The following NALF1 variants were observed in gnomAD, a reference collection of about 807,000 sequenced individuals.
NALF1 encodes NALCN channel auxiliary factor 1, also known as family with sequence similarity 155 member A.
NALF1 carries 3 observed loss-of-function variants against 48.4 expected under a neutral mutation model. The ratio of observed to expected loss-of-function variants is 0.06; its 90% CI spans 0.03 to 0.16. NALF1 has a LOEUF of 0.16. Ranked by LOEUF, NALF1 falls within the 10% of genes least tolerant of loss-of-function variation. NALF1 has a pLI of 1.00. For synonymous variants in NALF1, 262 were observed against 245.7 expected, an observed-to-expected ratio of 1.07 and a Z score of -0.62; for missense variants, 526 against 571.5, an observed-to-expected ratio of 0.92 and a Z score of 0.81.
intron 1 of NALF1, among the ~76,000 whole-genome samples, chr13:107,275,301 CAATT>C (rs1254058670): frequency 2.6e-5 from 4 of 151,788 alleles, no homozygotes; most frequent in African/African-American, 4.8e-5. Context: ...ATGTGTGTAT[CAATT>C]AAGAGGGTTT....
chr13:107,863,624 A>C (rs1260469879), intron 1 of NALF1, among the ~76,000 whole-genome samples: 1 of 152,202 alleles, frequency 6.6e-6, no homozygotes, highest in Non-Finnish European at 1.5e-5. Context: ...AAAGAAATTA[A>C]GGTTTTCATA....
chr13:107,238,964 T>C (rs1050608444), intron 1 of NALF1, among the ~76,000 whole-genome samples: 1 of 151,902 alleles, frequency 6.6e-6, no homozygotes, highest in Non-Finnish European at 1.5e-5. Context: ...TGGTGCAAGA[T>C]TATAGAAAGA....
intron 1 of NALF1, among the ~76,000 whole-genome samples, chr13:107,419,614 T>C (rs1036654646): frequency 6.6e-6 from 1 of 152,204 alleles, no homozygotes; most frequent in Non-Finnish European, 1.5e-5. Flanking sequence ...CCCTCCCCTC[T>C]GTAAAAACTA....
chr13:107,165,563 T>G lies in NALF1; in HGVS notation c.*4934A>C, dbSNP rs1253496794. 1 of 152,258 alleles carries G rather than the reference T, an allele frequency of 6.6e-6. No homozygotes were observed. Among genetic ancestry groups the G allele is most frequent in the Non-Finnish European group, 1.5e-5 (1 of 68,046 alleles). 9.4% of individuals were successfully genotyped at this position (152,258 alleles called of 1,614,324 possible). On this transcript the variant is annotated 3_prime_UTR_variant, in exon 3 of 3. Transcript: ENST00000375915. ...AGAATAAAAACCATAGTTCATATTT[T>G]GTTTCATGCCTTAAGTTTTATTCCA...
At chr13:107,707,211 C>G (rs111695243) in intron 1 of NALF1, among the ~76,000 whole-genome samples, 1 of 151,806 alleles carries the variant, frequency 6.6e-6, no homozygotes, top group Non-Finnish European at 1.5e-5. Flanking sequence ...CGTGAGCCAC[C>G]GCGCCCGGCC....
chr13:107,257,869 G>A (rs1362150256), intron 1 of NALF1, among the ~76,000 whole-genome samples: 1 of 152,174 alleles, frequency 6.6e-6, no homozygotes, highest in Non-Finnish European at 1.5e-5. Flanking sequence ...CTCCTACCAG[G>A]AGTAGAATAA....
chr13:107,760,843 T>G (rs1270071361), intron 1 of NALF1, among the ~76,000 whole-genome samples: 3 of 152,204 alleles, frequency 2.0e-5, no homozygotes, highest in Admixed American at 2.0e-4. Flanking sequence ...AACATGTCTT[T>G]GACCTAATTT....
At chr13:107,748,954 G>A (rs900300007) in intron 1 of NALF1, among the ~76,000 whole-genome samples, 3 of 152,084 alleles carry the variant, frequency 2.0e-5, no homozygotes, top group Non-Finnish European at 2.9e-5. Flanking sequence ...ATGCTGAGAG[G>A]TCCTGAGGCT....
At chr13:107,728,695 A>AAAATAAATAAAT (rs34497886) in intron 1 of NALF1, among the ~76,000 whole-genome samples, 1,775 of 148,376 alleles carry the variant, frequency 0.012, 23 homozygotes, top group African/African-American at 0.039. Context: ...AACTTAAAGT[A>AAAATAAATAAAT]AAATAAATAA....
chr13:107,514,234 ATC>A (rs1875984317), intron 1 of NALF1, among the ~76,000 whole-genome samples: 1 of 152,124 alleles, frequency 6.6e-6, no homozygotes, highest in African/African-American at 2.4e-5. Context: ...CCTCTTCTTA[ATC>A]TCTCTTTTGT....
chr13:107,285,907 G>A (rs1881483985), intron 1 of NALF1, among the ~76,000 whole-genome samples: 2 of 152,146 alleles, frequency 1.3e-5, no homozygotes, highest in African/African-American at 4.8e-5. Flanking sequence ...GTAAGGGATG[G>A]ATGGAATACA....
At chr13:107,177,713 C>A (rs1878966453) in intron 2 of NALF1, among the ~76,000 whole-genome samples, 1 of 152,176 alleles carries the variant, frequency 6.6e-6, no homozygotes, top group Admixed American at 6.5e-5. Flanking sequence ...TGAAACTAGA[C>A]TCCTATTTCT....
chr13:107,802,939 C>T (rs1315703574), intron 1 of NALF1, among the ~76,000 whole-genome samples: 2 of 152,230 alleles, frequency 1.3e-5, no homozygotes, highest in East Asian at 3.9e-4. Context: ...AATGGTTATT[C>T]GATGACCAGT....
At chr13:107,648,471 A>G (rs1880368431) in intron 1 of NALF1, among the ~76,000 whole-genome samples, 1 of 152,100 alleles carries the variant, frequency 6.6e-6, no homozygotes, top group Admixed American at 6.6e-5. Flanking sequence ...TCACTTAGCC[A>G]TATGCATTTA....
chr13:107,513,178 A>G (rs911438491), intron 1 of NALF1, among the ~76,000 whole-genome samples: 13 of 152,216 alleles, frequency 8.5e-5, no homozygotes, highest in Non-Finnish European at 1.9e-4. Context: ...AAATAAACCT[A>G]TCTTTGATAT....
chr13:107,709,253 C>G (rs533254523), intron 1 of NALF1, among the ~76,000 whole-genome samples: 3 of 152,100 alleles, frequency 2.0e-5, no homozygotes, highest in Non-Finnish European at 2.9e-5. Context: ...AAAAAATATA[C>G]TTGTGTGTAT....
At chr13:107,391,949 A>T (rs747930739) in intron 1 of NALF1, among the ~76,000 whole-genome samples, 12 of 152,244 alleles carry the variant, frequency 7.9e-5, no homozygotes, top group Non-Finnish European at 1.3e-4. Context: ...CTCAGAATAA[A>T]TCTCTTAAAA....
At chr13:107,370,999 G>A (rs1010218868) in intron 1 of NALF1, among the ~76,000 whole-genome samples, 6 of 152,158 alleles carry the variant, frequency 3.9e-5, no homozygotes, top group Admixed American at 6.5e-5. Flanking sequence ...CAATGCATGA[G>A]GATTATGGGA....
At chr13:107,768,827 T>C (rs922303177) in intron 1 of NALF1, among the ~76,000 whole-genome samples, 7 of 151,664 alleles carry the variant, frequency 4.6e-5, no homozygotes, top group African/African-American at 7.3e-5. Flanking sequence ...TACAATGAAC[T>C]CAAACAAATT....
Sources: gnomAD v4.1 joint callset for allele counts (sites outside exome capture counted in the v4.1 genomes callset) on GRCh38, gnomAD v4.1.1 for gene constraint, MANE v1.5 for transcripts, NCBI Gene and HGNC (gene_info 2026-07-23, HGNC 2026-07-21) for gene names.